SEMA3D: variants seen among roughly 807,000 people sequenced by gnomAD.
SEMA3D encodes semaphorin 3D, also known as semaphorin-3D.
SEMA3D carries 84 observed loss-of-function variants against 100.1 expected under a neutral mutation model. The observed-to-expected ratio is 0.84, with a 90% CI of 0.70 to 1.01. SEMA3D has a LOEUF of 1.01. SEMA3D is among the 50% of genes least tolerant of loss of function. The probability of loss-of-function intolerance (pLI) is 0.00; values close to 1 mark genes in which losing one functional copy is unlikely to be tolerated. For synonymous variants in SEMA3D, 312 were observed against 320.7 expected (o/e 0.97, Z 0.29); for missense variants, 875 against 934.1 (o/e 0.94, Z 0.82).
chr7:85,106,805 G>C (rs1788940866), intron 3 of SEMA3D, among the ~76,000 whole-genome samples: 1 of 152,044 alleles, frequency 6.6e-6, no homozygotes, highest in Non-Finnish European at 1.5e-5. Flanking sequence ...TGAAAAATGA[G>C]TGCAAGCAGG....
intron 1 of SEMA3D, among the ~76,000 whole-genome samples, chr7:85,185,769 T>C (rs1233693879): frequency 1.3e-5 from 2 of 152,162 alleles, no homozygotes; most frequent in Non-Finnish European, 2.9e-5. Context: ...GGAGAAACAG[T>C]GCCGAAAACG....
chr7:85,054,139 T>G (rs1477236502), intron 9 of SEMA3D, among the ~76,000 whole-genome samples: 2 of 152,086 alleles, frequency 1.3e-5, no homozygotes, highest in Non-Finnish European at 2.9e-5. Context: ...ATATTTATAC[T>G]AGGGTAAGAC....
intron 2 of SEMA3D, among the ~76,000 whole-genome samples, chr7:85,133,763 T>C (rs1029964197): frequency 1.3e-5 from 2 of 151,944 alleles, no homozygotes; most frequent in Non-Finnish European, 2.9e-5. Flanking sequence ...ATCTACGAAA[T>C]AGGATTATCA....
chr7:85,011,604 C>T (rs1158214243), intron 17 of SEMA3D, among the ~76,000 whole-genome samples: 1 of 151,676 alleles, frequency 6.6e-6, no homozygotes, highest in East Asian at 1.9e-4. Context: ...CTTTGTTGTT[C>T]ATTGCTGTAT....
the SEMA3D span, among the ~76,000 whole-genome samples, chr7:85,228,129 T>C: frequency 6.6e-6 from 1 of 152,106 alleles, no homozygotes; most frequent in African/African-American, 2.4e-5. Flanking sequence ...ACATCTCTCT[T>C]AAAACTGTGA....
At chr7:85,111,996 G>T (rs1209427455) in intron 3 of SEMA3D, among the ~76,000 whole-genome samples, 1 of 152,034 alleles carries the variant, frequency 6.6e-6, no homozygotes, top group African/African-American at 2.4e-5. Flanking sequence ...CACAATATTT[G>T]ATTACTACAT....
intron 17 of SEMA3D, among the ~76,000 whole-genome samples, chr7:85,008,992 T>G (rs1304742454): frequency 1.4e-4 from 22 of 151,758 alleles, no homozygotes. Context: ...ATGCAAATAT[T>G]CCAAAATCTG....
Position 85,086,555 on chromosome 7 carries a change from T to C in SEMA3D, c.313-4976A>G, listed in dbSNP as rs140618799. Among the ~76,000 whole-genome samples, 207 of 152,102 alleles carry C rather than the reference T, an allele frequency of 1.4e-3. 1 individual carries two copies. The Middle Eastern group carries it at 0.028, about 21-fold the overall frequency. On this transcript the variant is annotated intron_variant, in intron 4 of 18. Coordinates refer to ENST00000284136, the MANE Select transcript of SEMA3D (RefSeq NM_001384900.1). Reference sequence around the variant, plus strand: ...AATCTTTATATAATGCGATATATAATGTACAATATACGCACATATATAACA... The same window carrying C: ...AATCTTTATATAATGCGATATATAACGTACAATATACGCACATATATAACA...
chr7:85,065,638 C>A (rs1791597213), intron 7 of SEMA3D, 86 bp from the exon 8 acceptor site: 4 of 971,310 alleles, frequency 4.1e-6, no homozygotes, highest in South Asian at 3.4e-5. Flanking sequence ...AGCATGACAC[C>A]AAAGATGTTT....
At chr7:85,141,666 C>T in intron 2 of SEMA3D, 5 of 982,620 alleles carry the variant, frequency 5.1e-6, no homozygotes, top group Non-Finnish European at 6.0e-6. Context: ...AGAACATGTT[C>T]CTTTTGGGCT....
chr7:85,010,469 G>A (rs147812153), intron 17 of SEMA3D, among the ~76,000 whole-genome samples: 2 of 151,900 alleles, frequency 1.3e-5, no homozygotes, highest in African/African-American at 4.8e-5. Context: ...CAGTGAAGTA[G>A]CTACTGAAGA....
chr7:85,230,204 A>G, the SEMA3D span, among the ~76,000 whole-genome samples: 1 of 152,114 alleles, frequency 6.6e-6, no homozygotes, highest in African/African-American at 2.4e-5. Context: ...TCTGTGTCTC[A>G]TTCAGCCACT....
At chr7:85,040,055 C>A (rs149519513) in intron 11 of SEMA3D, among the ~76,000 whole-genome samples, 2 of 147,306 alleles carry the variant, frequency 1.4e-5, no homozygotes, top group East Asian at 4.0e-4. Context: ...TGGCTCACTG[C>A]AGCCTCTACC....
At position 85,159,843 on chromosome 7, in the gene SEMA3D, T is replaced by A. The variant is rs2116513897; in HGVS notation, c.-172-6104A>T. The A allele has an allele frequency of 3.0e-6, 3 of 984,798 alleles. No homozygotes were observed. The South Asian group carries it at 1.4e-4, about 46-fold the overall frequency. The allele number at this position is 984,798 out of a possible 1,614,324, so 61.0% of individuals were successfully genotyped here. On this transcript the variant is annotated intron_variant, in intron 1 of 18. Coordinates refer to ENST00000284136, the MANE Select transcript of SEMA3D (RefSeq NM_001384900.1). The stretch of plus-strand genomic sequence containing the variant: ...TCTTTCCTTCACACTGTCCTGCAGA[T>A]AGTAGGATTTCAGTAACCATTATAT...
At chr7:85,207,744 T>G in the SEMA3D span, among the ~76,000 whole-genome samples, 2 of 152,098 alleles carry the variant, frequency 1.3e-5, no homozygotes, top group Admixed American at 6.6e-5. Context: ...TCATGTTACC[T>G]TCATGAAAAT....
intron 2 of SEMA3D, among the ~76,000 whole-genome samples, chr7:85,136,714 T>C (rs1452460775): frequency 6.6e-6 from 1 of 152,144 alleles, no homozygotes; most frequent in Non-Finnish European, 1.5e-5. Flanking sequence ...AATACATTTT[T>C]ATTTTTTACT....
intron 9 of SEMA3D, among the ~76,000 whole-genome samples, chr7:85,043,199 A>G (rs1562794683): frequency 6.6e-6 from 1 of 152,046 alleles, no homozygotes; most frequent in Non-Finnish European, 1.5e-5. Flanking sequence ...CTCTACAAAA[A>G]TTTTAAAAAT....
the SEMA3D span, among the ~76,000 whole-genome samples, chr7:85,242,704 T>G: frequency 6.6e-6 from 1 of 152,184 alleles, no homozygotes. Flanking sequence ...GCCTCAAATA[T>G]TTTGATGAAG....
intron 9 of SEMA3D, among the ~76,000 whole-genome samples, chr7:85,047,265 A>G (rs1201157228): frequency 6.6e-6 from 1 of 151,940 alleles, no homozygotes; most frequent in Admixed American, 6.6e-5. Flanking sequence ...GCATGTTACG[A>G]ATTACTAAGA....
Sources: gnomAD v4.1 joint callset for allele counts (sites outside exome capture counted in the v4.1 genomes callset) on GRCh38, gnomAD v4.1.1 for gene constraint, MANE v1.5 for transcripts, NCBI Gene and HGNC (gene_info 2026-07-23, HGNC 2026-07-21) for gene names.